STPG2: variants seen among roughly 807,000 people sequenced by gnomAD.
The protein encoded by STPG2 is sperm tail PG-rich repeat containing 2.
In STPG2, 56 loss-of-function variants were observed where a neutral mutation model predicts 54.2. The observed-to-expected ratio is 1.03, with a 90% CI of 0.83 to 1.29. The LOEUF is 1.29. STPG2 is among the 50% of genes most tolerant of loss of function. The probability of loss-of-function intolerance (pLI) is 0.00; values close to 1 mark genes in which losing one functional copy is unlikely to be tolerated. For missense variants in STPG2, 596 were observed against 544.9 expected (o/e 1.09, Z -0.93); for synonymous variants, 200 against 181.8 (o/e 1.10, Z -0.81).
intron 10 of STPG2, among the ~76,000 whole-genome samples, chr4:97,688,720 A>G (rs1340665780): frequency 6.6e-6 from 1 of 152,184 alleles, no homozygotes; most frequent in Non-Finnish European, 1.5e-5. Context: ...AGTCAAATGA[A>G]ATTAGTGGAT....
At chr4:97,588,349 A>G (rs1416128658) in intron 10 of STPG2, among the ~76,000 whole-genome samples, 2 of 152,126 alleles carry the variant, frequency 1.3e-5, no homozygotes, top group Non-Finnish European at 1.5e-5. Context: ...TTTATATTAC[A>G]CAAGGCAGAT....
At chr4:97,863,344 T>C (rs1729633559) in intron 8 of STPG2, among the ~76,000 whole-genome samples, 1 of 152,164 alleles carries the variant, frequency 6.6e-6, no homozygotes. Context: ...CTAGAAAATC[T>C]AGAAGAAATG....
At chr4:97,552,950 A>G (rs187597285) in intron 4 of STPG2, among the ~76,000 whole-genome samples, 1 of 152,172 alleles carries the variant, frequency 6.6e-6, no homozygotes, top group Non-Finnish European at 1.5e-5. Flanking sequence ...ATCAAACCAG[A>G]TTGGTAGTCT....
intron 4 of STPG2, among the ~76,000 whole-genome samples, chr4:97,449,784 G>T (rs1729318317): frequency 6.6e-6 from 1 of 152,178 alleles, no homozygotes; most frequent in African/African-American, 2.4e-5. Context: ...GTAATAGAAT[G>T]AGAGTTACAG....
chr4:97,528,762 T>C (rs762152204), intron 4 of STPG2, among the ~76,000 whole-genome samples: 1 of 152,216 alleles, frequency 6.6e-6, no homozygotes, highest in Non-Finnish European at 1.5e-5. Context: ...TTTGTAGCAA[T>C]TGTGAATAGC....
intron 4 of STPG2, among the ~76,000 whole-genome samples, chr4:97,532,863 C>A (rs1334696687): frequency 6.6e-6 from 1 of 151,968 alleles, no homozygotes; most frequent in Non-Finnish European, 1.5e-5. Context: ...TGAGAAATGC[C>A]CATTTTACTT....
Position 97,842,793 on chromosome 4 carries a change from C to T in STPG2, c.1045-1861G>A, listed in dbSNP as rs527717489. Among the ~76,000 whole-genome samples, 3 of 151,954 alleles carry T rather than the reference C, an allele frequency of 2.0e-5. No homozygotes were observed. The South Asian group carries it at 6.2e-4, about 31-fold the overall frequency. The stretch of plus-strand genomic sequence containing the variant: ...GCCTCTCTTACCAATCCAATGTATA[C>T]TACCCTTGTTCATGACCACCTGCTG... On this transcript the variant is annotated intron_variant, in intron 8 of 10. Coordinates refer to ENST00000295268, the MANE Select transcript of STPG2 (RefSeq NM_174952.3).
intron 4 of STPG2, among the ~76,000 whole-genome samples, chr4:97,456,496 A>C (rs373676031): frequency 2.0e-5 from 3 of 152,208 alleles, no homozygotes; most frequent in Non-Finnish European, 4.4e-5. Context: ...GCAGAAGATC[A>C]TAATTCATCA....
chr4:97,780,669 A>G (rs1201190127), intron 9 of STPG2, among the ~76,000 whole-genome samples: 1 of 146,594 alleles, frequency 6.8e-6, no homozygotes. Flanking sequence ...AAAATTGACC[A>G]CAGAGTTGGA....
At chr4:97,749,290 T>C (rs949898639) in intron 9 of STPG2, among the ~76,000 whole-genome samples, 8 of 151,742 alleles carry the variant, frequency 5.3e-5, no homozygotes, top group Non-Finnish European at 8.9e-5. Flanking sequence ...TATATCTTTG[T>C]CATACTAACA....
intron 5 of STPG2, among the ~76,000 whole-genome samples, chr4:98,041,218 T>G (rs138456529): frequency 6.6e-6 from 1 of 151,974 alleles, no homozygotes; most frequent in East Asian, 1.9e-4. Flanking sequence ...TATCAAATGT[T>G]AAGAGTCTTT....
Position 97,617,643 on chromosome 4 carries a change from C to T in STPG2, c.1321-58526G>A, listed in dbSNP as rs112505796. The stretch of plus-strand genomic sequence containing the variant: ...TTTTCTCACTAAGTGAAGAACCAGA[C>T]AGAATAAGGATATGCTAGTAAGATA... On this transcript the variant is annotated intron_variant, in intron 10 of 10. Coordinates refer to ENST00000295268, the MANE Select transcript of STPG2 (RefSeq NM_174952.3). 4.4e-3 allele frequency among the ~76,000 whole-genome samples: 677 copies of T among 152,198 alleles called. 2 individuals carry two copies. The highest frequency in any genetic ancestry group is 0.02 in the Middle Eastern group (6 of 294).
intron 4 of STPG2, among the ~76,000 whole-genome samples, chr4:97,472,533 T>G (rs1307417597): frequency 6.6e-6 from 1 of 152,240 alleles, no homozygotes; most frequent in South Asian, 2.1e-4. Context: ...CAGATGTTTA[T>G]AGCAGCTTTG....
At chr4:97,602,115 T>C (rs955701448) in intron 10 of STPG2, among the ~76,000 whole-genome samples, 2 of 151,850 alleles carry the variant, frequency 1.3e-5, no homozygotes, top group Non-Finnish European at 3.0e-5. Context: ...CCAAAATCTC[T>C]CATAAATTTT....
At chr4:98,084,356 C>G (rs745334455) in intron 5 of STPG2, among the ~76,000 whole-genome samples, 3 of 152,138 alleles carry the variant, frequency 2.0e-5, no homozygotes, top group Non-Finnish European at 4.4e-5. Flanking sequence ...CATTCCCCTA[C>G]TGATTAACAT....
At chr4:97,727,412 T>C (rs1215732360) in intron 9 of STPG2, among the ~76,000 whole-genome samples, 6 of 151,942 alleles carry the variant, frequency 3.9e-5, no homozygotes, top group Admixed American at 6.6e-5. Context: ...ATATGTTTAC[T>C]ATATGAATAG....
At chr4:97,808,520 C>T (rs897673437) in intron 9 of STPG2, among the ~76,000 whole-genome samples, 1 of 151,196 alleles carries the variant, frequency 6.6e-6, no homozygotes, top group Non-Finnish European at 1.5e-5. Context: ...CCTAAAAATA[C>T]TCAAATCATA....
chr4:97,779,723 A>T (rs1726535528), intron 9 of STPG2, among the ~76,000 whole-genome samples: 1 of 152,252 alleles, frequency 6.6e-6, no homozygotes, highest in Non-Finnish European at 1.5e-5. Context: ...TCAGACTAAC[A>T]GCGGATAACT....
intron 10 of STPG2, among the ~76,000 whole-genome samples, chr4:97,645,287 A>C (rs775737436): frequency 1.5e-4 from 22 of 151,276 alleles, no homozygotes; most frequent in East Asian, 5.9e-4. Flanking sequence ...GACTAGGGTG[A>C]GCAGAAAGTA....
Sources: allele counts gnomAD v4.1 joint callset (sites outside exome capture counted in the v4.1 genomes callset), GRCh38; gene constraint gnomAD v4.1.1; transcripts MANE v1.5; gene names NCBI Gene and HGNC (gene_info 2026-07-23, HGNC 2026-07-21).